The following GRID2IP variants were observed in gnomAD, a reference collection of about 807,000 sequenced individuals.
The protein encoded by GRID2IP is delphilin.
Under a neutral mutation model 114.3 loss-of-function variants are expected in GRID2IP, and 78 were observed. The ratio of observed to expected loss-of-function variants is 0.68; its 90% CI spans 0.57 to 0.82. The LOEUF is 0.82. Among genes scored for constraint, GRID2IP ranks in the 40% least tolerant of loss-of-function variants. The pLI, the probability that GRID2IP is intolerant of heterozygous loss-of-function variation, is 0.00. For missense variants in GRID2IP, 1,727 were observed against 1,678.5 expected (o/e 1.03, Z -0.51); for synonymous variants, 809 against 724.0 (o/e 1.12, Z -1.89).
Position 6,507,908 on chromosome 7 carries a change from G to A in GRID2IP, c.2544+77C>T. On this transcript the variant is annotated intron_variant, in intron 13 of 21. Coordinates refer to ENST00000457091, the MANE Select transcript of GRID2IP (RefSeq NM_001145118.2). This position sits in a 1 kb window ranked among gnomAD's most constrained non-coding sequence, Gnocchi z 5.3. Reference sequence around the variant, plus strand: ...GGATGATGTTGGAAGATGCCTGGCCGATGGGTTTTCCTTCAGTGCTGCTGC... The same window carrying A: ...GGATGATGTTGGAAGATGCCTGGCCAATGGGTTTTCCTTCAGTGCTGCTGC... 6 of 1,519,170 alleles carry A rather than the reference G, an allele frequency of 3.9e-6. No individual in the cohort carries two copies. Among genetic ancestry groups the A allele is most frequent in the South Asian group, 2.5e-5 (2 of 79,134 alleles). 94.1% of individuals were successfully genotyped at this position (1,519,170 alleles called of 1,614,324 possible). A position where few individuals can be genotyped will look rare whatever the true frequency, so the allele number is the denominator to read the frequency against.
rs1786704233 is a variant in GRID2IP at position 6,509,625 on chromosome 7, G to A, written c.1772-312C>T. Among the ~76,000 whole-genome samples the A allele has an allele frequency of 6.6e-6, 1 of 152,084 alleles. No homozygotes were observed. Among genetic ancestry groups the A allele is most frequent in the Non-Finnish European group, 1.5e-5 (1 of 67,984 alleles). On this transcript the variant is annotated intron_variant, in intron 11 of 21. Coordinates refer to ENST00000457091, the MANE Select transcript of GRID2IP (RefSeq NM_001145118.2). The surrounding 1 kb of genome is among the most constrained non-coding windows in gnomAD (Gnocchi z 4.9). Reference sequence around the variant, plus strand: ...TCAAAGGGTGGAGGGGTTTCTCTAGGGCCCAGAGCCACAGTCATGGAGCGT... The same window carrying A: ...TCAAAGGGTGGAGGGGTTTCTCTAGAGCCCAGAGCCACAGTCATGGAGCGT...
rs973386751 is a variant in GRID2IP, at chr7:6,528,695, G to A, written c.585-1926C>T. On this transcript the variant is annotated intron_variant, in intron 2 of 21. Transcript: ENST00000457091. The surrounding 1 kb of genome is among the most constrained non-coding windows in gnomAD (Gnocchi z 6.0). ...CCACCTCTGTGGGTAGGAGTAATTA[G>A]GCCCGCCAGGCAAAAGAAATTGCCT... 1.3e-5 allele frequency among the ~76,000 whole-genome samples: 2 copies of A among 152,122 alleles called. No homozygotes were observed. Among genetic ancestry groups the A allele is most frequent in the Non-Finnish European group, 2.9e-5 (2 of 68,026 alleles).
At chr7:6,501,960 C>CT in intron 19 of GRID2IP, 29 bp downstream of exon 19, 1 of 1,550,836 alleles carries the variant, frequency 6.4e-7, no homozygotes, top group Non-Finnish European at 8.7e-7. Flanking sequence ...CAGCATGCCT[C>CT]TGCCTCCCCA....
At chr7:6,512,807 G>C (rs551039979) in intron 8 of GRID2IP, among the ~76,000 whole-genome samples, 13 of 152,100 alleles carry the variant, frequency 8.5e-5, no homozygotes, top group African/African-American at 3.1e-4. Flanking sequence ...CACCGCGCAC[G>C]GCCACCCCTG....
chr7:6,520,547 C>T lies in GRID2IP; in HGVS notation c.1268+31G>A. Reference sequence around the variant, plus strand: ...GGCAGGACTTAGGGCCCACCCAGGGCAGGGCCCCACCGCGGCTTTGGCCCG... The same window carrying T: ...GGCAGGACTTAGGGCCCACCCAGGGTAGGGCCCCACCGCGGCTTTGGCCCG... On this transcript the variant is annotated intron_variant, in intron 7 of 21. Coordinates refer to ENST00000457091, the MANE Select transcript of GRID2IP (RefSeq NM_001145118.2). This position sits in a 1 kb window ranked among gnomAD's most constrained non-coding sequence, Gnocchi z 4.6. 9 of 1,541,106 alleles carry T rather than the reference C, an allele frequency of 5.8e-6. No homozygotes were observed. The highest frequency in any genetic ancestry group is 7.9e-6 in the Non-Finnish European group (9 of 1,139,794).
chr7:6,505,910 G>T lies in GRID2IP; in HGVS notation c.2545-3C>A, dbSNP rs1308044756. 3.2e-6 allele frequency: 5 copies of T among 1,548,708 alleles called. No homozygotes were observed. In the Admixed American group the frequency reaches 5.9e-5, roughly 18 times the overall value. ...TCGTAGTCAGAGTCTTCCCCGAGCTGCGAGGGAGGATGGGAGGTTCAGAGT... is the reference window on the plus strand; with the variant it reads ...TCGTAGTCAGAGTCTTCCCCGAGCTTCGAGGGAGGATGGGAGGTTCAGAGT... On this transcript the variant is annotated splice_region_variant and splice_polypyrimidine_tract_variant and intron_variant, in intron 13 of 21. Coordinates refer to ENST00000457091, the MANE Select transcript of GRID2IP (RefSeq NM_001145118.2).
chr7:6,542,343 A>G (rs1204248929), intron 1 of GRID2IP, among the ~76,000 whole-genome samples: 2 of 149,792 alleles, frequency 1.3e-5, no homozygotes, highest in East Asian at 3.9e-4. Context: ...AGAAAATCCC[A>G]AAGTAGGTGG....
chr7:6,542,461 C>G (rs1269179906), intron 1 of GRID2IP, among the ~76,000 whole-genome samples: 2 of 152,062 alleles, frequency 1.3e-5, no homozygotes, highest in Non-Finnish European at 2.9e-5. Context: ...CAAGACCATC[C>G]TGGGCAACAT....
intron 8 of GRID2IP, among the ~76,000 whole-genome samples, chr7:6,511,727 T>G (rs1019135697): frequency 6.6e-6 from 1 of 152,146 alleles, no homozygotes; most frequent in Admixed American, 6.5e-5. Flanking sequence ...TGGTCCAGCA[T>G]GGATCCTGAG....
At chr7:6,549,590 C>G (rs1345306116) in intron 1 of GRID2IP, among the ~76,000 whole-genome samples, 1 of 152,154 alleles carries the variant, frequency 6.6e-6, no homozygotes, top group African/African-American at 2.4e-5. Context: ...GGGCTTAGAA[C>G]AGGCGGAATT....
Position 6,521,977 on chromosome 7 carries a change from G to A in GRID2IP, c.920-20C>T, listed in dbSNP as rs1482003211. ...GGCTCCCTGGAAGCAAGAAGAGAGG[G>A]TGTGCCGGTCAGCTGGGCAGGGTAC... On this transcript the variant is annotated intron_variant, in intron 4 of 21. Transcript: ENST00000457091. This position sits in a 1 kb window ranked among gnomAD's most constrained non-coding sequence, Gnocchi z 4.1. 1 of 1,547,416 alleles carries A rather than the reference G, an allele frequency of 6.5e-7. No homozygotes were observed.
At chr7:6,505,931 A>C (rs1198625588) in intron 13 of GRID2IP, 24 bp from the exon 14 acceptor site, 4 of 1,495,278 alleles carry the variant, frequency 2.7e-6, no homozygotes, top group Admixed American at 2.0e-5. Flanking sequence ...TGGGAGGTTC[A>C]GAGTAGGAGG....
Position 6,508,092 on chromosome 7 carries a change from TG to T in GRID2IP, c.2436del (p.Met813CysfsTer16). ...CGGTGGCCCAGGCCCCGGGACAGCA[TG>T]GGGGGTGCACAGGGCACGGGTGGGG... ...PLPPPVPCAPPMLSRGLGHRR... is the reference protein window; with the variant it reads ...PLPPPVPCAPXMLSRGLGHRR... On this transcript the variant is annotated frameshift_variant, in exon 13 of 22. Transcript: ENST00000457091. LOFTEE classifies it high-confidence loss of function. The surrounding 1 kb of genome is among the most constrained non-coding windows in gnomAD (Gnocchi z 5.6). 3 of 1,036,694 alleles carry T rather than the reference TG, an allele frequency of 2.9e-6. No individual in the cohort carries two copies. Among genetic ancestry groups the T allele is most frequent in the African/African-American group, 3.0e-5 (1 of 33,610 alleles). 64.2% of individuals were successfully genotyped at this position (1,036,694 alleles called of 1,614,324 possible).
At chr7:6,527,331 A>AGCTCTTGCCCAG (rs1045024536) in intron 2 of GRID2IP, among the ~76,000 whole-genome samples, 1 of 152,116 alleles carries the variant, frequency 6.6e-6, no homozygotes, top group African/African-American at 2.4e-5. Context: ...CCTATCTCTA[A>AGCTCTTGCCCAG]GCTCTTGCCC....
chr7:6,502,131 C>A lies in GRID2IP; in HGVS notation c.3151-13G>T. The A allele has an allele frequency of 6.4e-7, 1 of 1,550,834 alleles. No homozygotes were observed. Among genetic ancestry groups the A allele is most frequent in the South Asian group, 1.2e-5 (1 of 84,006 alleles). Reference sequence around the variant, plus strand: ...TGGTGGAGTTCAGCTGCAAGTGACCCCCAATATACATTCCCGTCAAGGACC... The same window carrying A: ...TGGTGGAGTTCAGCTGCAAGTGACCACCAATATACATTCCCGTCAAGGACC... On this transcript the variant is annotated splice_polypyrimidine_tract_variant and intron_variant, in intron 18 of 21. Coordinates refer to ENST00000457091, the MANE Select transcript of GRID2IP (RefSeq NM_001145118.2).
chr7:6,545,084 C>G (rs1304866696), intron 1 of GRID2IP, among the ~76,000 whole-genome samples: 1 of 151,708 alleles, frequency 6.6e-6, no homozygotes, highest in African/African-American at 2.4e-5. Context: ...CAGACTCCAT[C>G]TCAAAAGAAA....
chr7:6,502,380 C>T (rs1249540103), intron 18 of GRID2IP, among the ~76,000 whole-genome samples: 1 of 152,086 alleles, frequency 6.6e-6, no homozygotes, highest in Non-Finnish European at 1.5e-5. Context: ...CTGTGACATG[C>T]CTAGCTAATT....
intron 8 of GRID2IP, among the ~76,000 whole-genome samples, chr7:6,513,689 G>A (rs114596932): frequency 3.0e-4 from 45 of 152,314 alleles, no homozygotes; most frequent in African/African-American, 8.9e-4. Context: ...GGGAAGGCGC[G>A]TCCGTGGGGC....
chr7:6,510,219 C>G, intron 11 of GRID2IP, 64 bp downstream of exon 11: 1 of 1,130,134 alleles, frequency 8.8e-7, no homozygotes. Context: ...AGAAGCAGCT[C>G]CAGGGCTGAG....
Sources: allele counts gnomAD v4.1 joint callset (sites outside exome capture counted in the v4.1 genomes callset), GRCh38; gene constraint gnomAD v4.1.1; non-coding constraint Gnocchi (gnomAD v3.1); transcripts MANE v1.5; gene names NCBI Gene and HGNC (gene_info 2026-07-23, HGNC 2026-07-21).